ARHGEF26: variants seen among roughly 807,000 people sequenced by gnomAD.
ARHGEF26 encodes Rho guanine nucleotide exchange factor (GEF) 26.
ARHGEF26 carries 59 observed loss-of-function variants against 89.4 expected under a neutral mutation model. The observed-to-expected ratio is 0.66, with a 90% confidence interval of 0.54 to 0.82. The LOEUF (loss-of-function observed/expected upper bound fraction) is 0.82. Among genes scored for constraint, ARHGEF26 ranks in the 40% least tolerant of loss-of-function variants. The probability of loss-of-function intolerance (pLI) is 0.00; values close to 1 mark genes in which losing one functional copy is unlikely to be tolerated. For missense variants in ARHGEF26, 1,234 were observed against 1,085.6 expected (o/e 1.14, Z -1.92); for synonymous variants, 500 against 428.4 (o/e 1.17, Z -2.06).
Position 154,122,386 on chromosome 3 carries a change from G to T in ARHGEF26, c.394G>T (p.Ala132Ser). 1 of 1,611,800 alleles carries T rather than the reference G, an allele frequency of 6.2e-7. No individual in the cohort carries two copies. Among genetic ancestry groups the T allele is most frequent in the South Asian group, 1.1e-5 (1 of 91,024 alleles). The change falls in exon 2 of 15, where the codon GCG becomes TCG. Residue 132 changes from alanine (A) to serine (S), a missense_variant. Coordinates refer to ENST00000465093, the MANE Select transcript of ARHGEF26 (RefSeq NM_015595.4). Reference protein sequence around the residue: ...GGSPKSPANGAVTLPAPPPPP... With the variant: ...GGSPKSPANGSVTLPAPPPPP... ...CTCCCCGAAATCCCCAGCAAATGGC[G>T]CGGTGACCTTGCCTGCGCCGCCGCC... is the stretch of plus-strand genomic sequence containing the variant.
intron 9 of ARHGEF26, among the ~76,000 whole-genome samples, chr3:154,212,291 A>G (rs534629198): frequency 2.2e-4 from 33 of 151,540 alleles, no homozygotes; most frequent in Admixed American, 3.9e-4. Flanking sequence ...CCCTGTGACC[A>G]TGATCACACC....
chr3:154,183,491 A>G (rs1402953589), intron 6 of ARHGEF26, among the ~76,000 whole-genome samples: 1 of 152,224 alleles, frequency 6.6e-6, no homozygotes, highest in African/African-American at 2.4e-5. Flanking sequence ...GGGAACCAGA[A>G]TACTTTTACT....
intron 3 of ARHGEF26, among the ~76,000 whole-genome samples, chr3:154,128,401 C>A (rs990923036): frequency 3.8e-4 from 58 of 152,102 alleles, no homozygotes; most frequent in Admixed American, 3.8e-3. Context: ...CCACACTCGG[C>A]TAATTTGTTG....
Position 154,256,653 on chromosome 3 carries a change from C to T in ARHGEF26, c.*1180C>T. 9.1e-7 allele frequency: 1 copy of T among 1,098,974 alleles called. No homozygotes were observed. Among genetic ancestry groups the T allele is most frequent in the Non-Finnish European group, 1.1e-6 (1 of 905,600 alleles). 68.1% of individuals were successfully genotyped at this position (1,098,974 alleles called of 1,614,324 possible). A position where few individuals can be genotyped will look rare whatever the true frequency, so the allele number is the denominator to read the frequency against. On this transcript the variant is annotated 3_prime_UTR_variant, in exon 15 of 15. Coordinates refer to ENST00000465093, the MANE Select transcript of ARHGEF26 (RefSeq NM_015595.4). ...AATACCTAGTTTTCAGCTGTTCCAA[C>T]TCGTTTCCAAATAGAAATTAGCTGG... is the stretch of plus-strand genomic sequence containing the variant.
intron 6 of ARHGEF26, among the ~76,000 whole-genome samples, chr3:154,174,369 C>T (rs973146893): frequency 6.6e-6 from 1 of 152,072 alleles, no homozygotes; most frequent in Non-Finnish European, 1.5e-5. Context: ...ACCCACCAGC[C>T]ATCCATTTGA....
chr3:154,151,282 C>T (rs766964952), intron 5 of ARHGEF26, among the ~76,000 whole-genome samples: 5 of 151,994 alleles, frequency 3.3e-5, no homozygotes, highest in Non-Finnish European at 1.5e-5. Flanking sequence ...TTGTTTATGC[C>T]CTTCAGGAAC....
intron 6 of ARHGEF26, among the ~76,000 whole-genome samples, chr3:154,180,498 G>C (rs935985406): frequency 9.0e-6 from 1 of 110,740 alleles, no homozygotes; most frequent in African/African-American, 3.5e-5. Context: ...GCTGAGAACT[G>C]TTAGTTTTCC....
At chr3:154,161,099 TTTGTGTGTG>T (rs143287562) in intron 6 of ARHGEF26, among the ~76,000 whole-genome samples, 74,171 of 147,122 alleles carry the variant, frequency 0.5, 19,526 homozygotes, top group Non-Finnish European at 0.6. Context: ...GGTAGCCAGG[TTTGTGTGTG>T]TGTGTGTGTG....
At chr3:154,178,205 A>G (rs115183960) in intron 6 of ARHGEF26, among the ~76,000 whole-genome samples, 4,913 of 152,254 alleles carry the variant, frequency 0.032, 125 homozygotes, top group South Asian at 0.075. Context: ...CTCCATCTTA[A>G]AAAACAATAA....
intron 9 of ARHGEF26, among the ~76,000 whole-genome samples, chr3:154,216,492 A>ATTTTTTT (rs1428596973): frequency 1.6e-5 from 2 of 129,008 alleles, no homozygotes; most frequent in Non-Finnish European, 3.3e-5. Flanking sequence ...TTTTTTTTTT[A>ATTTTTTT]TTTTTTTTTA....
intron 6 of ARHGEF26, among the ~76,000 whole-genome samples, chr3:154,155,380 G>GTTAA (rs1384512508): frequency 1.9e-4 from 29 of 152,146 alleles, no homozygotes; most frequent in African/African-American, 6.0e-4. Context: ...GATCAGCAAT[G>GTTAA]TTAACATGTA....
chr3:154,212,976 T>G (rs544238106), intron 9 of ARHGEF26, among the ~76,000 whole-genome samples: 1 of 152,272 alleles, frequency 6.6e-6, no homozygotes, highest in African/African-American at 2.4e-5. Flanking sequence ...TAAAGATAAA[T>G]TTTCAGAAGT....
At chr3:154,244,504 T>C (rs2108289622) in intron 12 of ARHGEF26, among the ~76,000 whole-genome samples, 1 of 152,224 alleles carries the variant, frequency 6.6e-6, no homozygotes, top group Admixed American at 6.5e-5. Flanking sequence ...AGAAAGCATA[T>C]AGGGAAGTGA....
chr3:154,121,636 C>G, intron 1 of ARHGEF26, 117 bp downstream of exon 1: 1 of 251,992 alleles, frequency 4.0e-6, no homozygotes, highest in East Asian at 7.8e-5. Context: ...AAGCTGAACT[C>G]GTCCCAAGTT....
intron 6 of ARHGEF26, among the ~76,000 whole-genome samples, chr3:154,177,788 G>T (rs1488401493): frequency 6.6e-6 from 1 of 152,160 alleles, no homozygotes; most frequent in African/African-American, 2.4e-5. Context: ...GAAAAGGGAT[G>T]AAACACATAC....
At chr3:154,191,115 G>A (rs1426027912) in intron 7 of ARHGEF26, among the ~76,000 whole-genome samples, 174 bp from the exon 8 acceptor site, 8 of 152,072 alleles carry the variant, frequency 5.3e-5, no homozygotes, top group African/African-American at 1.9e-4. Context: ...AATATAAAAG[G>A]CAGACAAGCC....
At chr3:154,190,530 A>AACAC (rs1198793773) in intron 7 of ARHGEF26, among the ~76,000 whole-genome samples, 2 of 151,956 alleles carry the variant, frequency 1.3e-5, no homozygotes, top group Non-Finnish European at 2.9e-5. Flanking sequence ...CAAACAAACA[A>AACAC]ACCTGGGTTT....
intron 9 of ARHGEF26, among the ~76,000 whole-genome samples, chr3:154,211,434 C>G (rs1715353904): frequency 1.4e-5 from 2 of 147,928 alleles, no homozygotes; most frequent in South Asian, 4.4e-4. Flanking sequence ...GCATTGAGTT[C>G]AGTGTGTCAC....
At chr3:154,255,286 C>A (rs749194378) in intron 14 of ARHGEF26, 45 bp from the exon 15 acceptor site, 2 of 1,590,190 alleles carry the variant, frequency 1.3e-6, no homozygotes, top group Admixed American at 1.7e-5. Flanking sequence ...GCCTGGCACA[C>A]TCCAAATACT....
Sources: gnomAD v4.1 joint callset for allele counts (sites outside exome capture counted in the v4.1 genomes callset) on GRCh38, gnomAD v4.1.1 for gene constraint, MANE v1.5 for transcripts, NCBI Gene and HGNC (gene_info 2026-07-23, HGNC 2026-07-21) for gene names.